Variants in PTPRR observed in about 807,000 individuals in gnomAD.
PTPRR encodes the protein receptor-type tyrosine-protein phosphatase R.
PTPRR carries 38 observed loss-of-function variants against 77.2 expected under a neutral mutation model. The ratio of observed to expected loss-of-function variants is 0.49; its 90% CI spans 0.38 to 0.65. The LOEUF (loss-of-function observed/expected upper bound fraction) is 0.65. PTPRR is among the 30% of genes least tolerant of loss of function. The pLI is 0.00. For missense variants in PTPRR, 744 were observed against 799.2 expected, an observed-to-expected ratio of 0.93 and a Z score of 0.83; for synonymous variants, 299 against 283.1, an observed-to-expected ratio of 1.06 and a Z score of -0.57.
chr12:70,892,739 C>A lies in PTPRR; in HGVS notation c.297G>T (p.Met99Ile), dbSNP rs760813956. The A allele has an allele frequency of 8.1e-6, 13 of 1,613,268 alleles. No individual in the cohort carries two copies. Among genetic ancestry groups the A allele is most frequent in the Non-Finnish European group, 1.1e-5 (13 of 1,179,508 alleles). The change falls in exon 2 of 14, where the codon ATG (methionine) becomes ATT (isoleucine). Residue 99 changes from methionine to isoleucine, a missense_variant. This residue lies in a region of PTPRR where 570 missense variants were observed against 573.2 expected (regional missense o/e 0.99). Coordinates refer to ENST00000283228, the MANE Select transcript of PTPRR (RefSeq NM_002849.4). ...AYDPSLNLLA[M>I]DGQDLEVENL... ...TTTCCACTTCAAGATCTTGACCATC[C>A]ATGGCCAGCAGATTGAGAGACGGGT...
intron 6 of PTPRR, among the ~76,000 whole-genome samples, chr12:70,723,402 C>A (rs1410298080): frequency 6.6e-6 from 1 of 151,880 alleles, no homozygotes; most frequent in Non-Finnish European, 1.5e-5. Context: ...TTTGCCACTT[C>A]TGGCAATCTG....
At chr12:70,892,110 A>T (rs997784310) in intron 2 of PTPRR, among the ~76,000 whole-genome samples, 1 of 152,092 alleles carries the variant, frequency 6.6e-6, no homozygotes, top group Admixed American at 6.6e-5. Flanking sequence ...GGATCATTGT[A>T]TCACTTTTAT....
chr12:70,868,446 T>A (rs1369491213), intron 2 of PTPRR, among the ~76,000 whole-genome samples: 2 of 152,022 alleles, frequency 1.3e-5, no homozygotes, highest in Non-Finnish European at 2.9e-5. Flanking sequence ...ATGCTCATCA[T>A]CACTGGCCAT....
chr12:70,919,499 A>G (rs930633438), intron 1 of PTPRR, among the ~76,000 whole-genome samples: 1 of 152,114 alleles, frequency 6.6e-6, no homozygotes, highest in African/African-American at 2.4e-5. Context: ...ACCACATATA[A>G]TATCTCTCAG....
intron 13 of PTPRR, among the ~76,000 whole-genome samples, chr12:70,651,527 G>A (rs1377965867): frequency 1.3e-5 from 2 of 152,100 alleles, no homozygotes; most frequent in East Asian, 1.9e-4. Flanking sequence ...TGCCGACAAC[G>A]TCACTCCAAC....
intron 2 of PTPRR, among the ~76,000 whole-genome samples, chr12:70,839,987 C>T (rs1344007110): frequency 6.6e-6 from 1 of 152,182 alleles, no homozygotes; most frequent in Non-Finnish European, 1.5e-5. Flanking sequence ...AAGTAACTGT[C>T]TGCCGCTGGA....
At chr12:70,807,678 C>T (rs900916837) in intron 2 of PTPRR, among the ~76,000 whole-genome samples, 15 of 152,250 alleles carry the variant, frequency 9.9e-5, no homozygotes, top group South Asian at 2.1e-4. Flanking sequence ...TAATTTCTTA[C>T]GCCTGTCTTT....
At chr12:70,763,012 ATATC>A (rs569421026) in intron 3 of PTPRR, among the ~76,000 whole-genome samples, 420 of 152,150 alleles carry the variant, frequency 2.8e-3, no homozygotes, top group Non-Finnish European at 4.9e-3. Context: ...TATATCTAAG[ATATC>A]TATATCATCT....
chr12:70,801,078 A>G (rs1055232231), intron 2 of PTPRR, among the ~76,000 whole-genome samples: 1 of 152,182 alleles, frequency 6.6e-6, no homozygotes, highest in Non-Finnish European at 1.5e-5. Flanking sequence ...GTAGAATGAG[A>G]GTTAAATAGA....
chr12:70,701,720 C>T (rs1209046748), intron 6 of PTPRR, among the ~76,000 whole-genome samples: 1 of 152,128 alleles, frequency 6.6e-6, no homozygotes, highest in African/African-American at 2.4e-5. Context: ...TGACTGCAAT[C>T]CCAGCACTTT....
rs748843199 is a variant in PTPRR at position 70,684,689 on chromosome 12, T to C, written c.1359+15A>G. The C allele has an allele frequency of 1.3e-5, 19 of 1,504,966 alleles. No homozygotes were observed. Among genetic ancestry groups the C allele is most frequent in the Non-Finnish European group, 1.3e-5 (14 of 1,102,362 alleles). The allele number at this position is 1,504,966 out of a possible 1,614,324, so 93.2% of individuals were successfully genotyped here. On this transcript the variant is annotated intron_variant, in intron 9 of 13. Coordinates refer to ENST00000283228, the MANE Select transcript of PTPRR (RefSeq NM_002849.4). ...TAGGAAGTCACCAGAAAGAAATTTGTACTTATTTACTTACCCTAATATAAT... is the reference window on the plus strand; with the variant it reads ...TAGGAAGTCACCAGAAAGAAATTTGCACTTATTTACTTACCCTAATATAAT...
At chr12:70,659,025 C>T (rs1045881683) in intron 12 of PTPRR, among the ~76,000 whole-genome samples, 1 of 151,408 alleles carries the variant, frequency 6.6e-6, no homozygotes, top group African/African-American at 2.4e-5. Context: ...GCCTCCGCCT[C>T]CCAAGTAGCT....
At chr12:70,703,709 G>A (rs958644) in intron 6 of PTPRR, among the ~76,000 whole-genome samples, 4 of 151,944 alleles carry the variant, frequency 2.6e-5, no homozygotes, top group African/African-American at 7.3e-5. Flanking sequence ...TAGTATGAAG[G>A]TGAGAGAGGC....
intron 1 of PTPRR, among the ~76,000 whole-genome samples, chr12:70,896,996 G>A (rs1893440306): frequency 6.6e-6 from 1 of 151,892 alleles, no homozygotes; most frequent in Non-Finnish European, 1.5e-5. Context: ...CCAGTACCAT[G>A]CTGTTTTGGT....
At chr12:70,658,541 TACG>T (rs774755456) in intron 12 of PTPRR, among the ~76,000 whole-genome samples, 4 of 152,178 alleles carry the variant, frequency 2.6e-5, no homozygotes, top group Middle Eastern at 3.4e-3. Flanking sequence ...ATATTCTAGG[TACG>T]ACAATGATAT....
At chr12:70,741,233 C>A (rs183057974) in intron 6 of PTPRR, among the ~76,000 whole-genome samples, 1 of 152,294 alleles carries the variant, frequency 6.6e-6, no homozygotes, top group Middle Eastern at 3.4e-3. Context: ...ACAATTCAAT[C>A]ATATATGTGT....
At position 70,742,851 on chromosome 12, in the gene PTPRR, G is replaced by A. The variant is rs564525605; in HGVS notation, c.1007+2967C>T. On this transcript the variant is annotated intron_variant, in intron 6 of 13. Coordinates refer to ENST00000283228, the MANE Select transcript of PTPRR (RefSeq NM_002849.4). ...TATATGGGGAGGGGAAAAACAACAC[G>A]GAGAAGCTGAGGATATTACTGGTTT... Among the ~76,000 whole-genome samples the A allele has an allele frequency of 7.2e-5, 11 of 152,194 alleles. 1 individual carries two copies. The highest frequency in any genetic ancestry group is 6.2e-4 in the South Asian group (3 of 4,810).
chr12:70,820,244 A>G (rs941123254), intron 2 of PTPRR, among the ~76,000 whole-genome samples: 5 of 152,200 alleles, frequency 3.3e-5, no homozygotes, highest in Non-Finnish European at 5.9e-5. Flanking sequence ...ATGATACTCA[A>G]TAGTCTGGGA....
At chr12:70,662,641 T>C (rs573278496) in intron 10 of PTPRR, 36 bp from the exon 11 acceptor site, 2 of 1,276,952 alleles carry the variant, frequency 1.6e-6, no homozygotes, top group East Asian at 2.3e-5. Context: ...CAAATATTAA[T>C]GGCTTTTATT....
Sources: allele counts gnomAD v4.1 joint callset (sites outside exome capture counted in the v4.1 genomes callset), GRCh38; gene constraint gnomAD v4.1.1; regional missense constraint gnomAD v4.1.1; transcripts MANE v1.5; gene names NCBI Gene and HGNC (gene_info 2026-07-23, HGNC 2026-07-21).